CDK14: variants seen among roughly 807,000 people sequenced by gnomAD.
CDK14 encodes cyclin dependent kinase 14.
A neutral mutation model predicts 60.7 loss-of-function variants in CDK14; 34 were observed. The observed-to-expected ratio is 0.56, with a 90% confidence interval of 0.43 to 0.75. CDK14 has a LOEUF of 0.75. Among genes scored for constraint, CDK14 ranks in the 30% least tolerant of loss-of-function variants. CDK14 has a pLI of 0.00. For missense variants in CDK14, 482 were observed against 564.1 expected (o/e 0.85, Z 1.47); for synonymous variants, 197 against 203.7 (o/e 0.97, Z 0.28).
chr7:90,884,831 G>A (rs75796765), intron 6 of CDK14, among the ~76,000 whole-genome samples: 2 of 152,126 alleles, frequency 1.3e-5, no homozygotes, highest in African/African-American at 2.4e-5. Flanking sequence ...ACAAGCAATG[G>A]GGAAAGGATC....
chr7:90,768,218 AT>A (rs1233414673), intron 4 of CDK14, among the ~76,000 whole-genome samples: 1 of 152,194 alleles, frequency 6.6e-6, no homozygotes, highest in African/African-American at 2.4e-5. Context: ...TTTGTAGAGG[AT>A]GTTTATAGTT....
chr7:90,887,267 C>T (rs370850871), intron 6 of CDK14, among the ~76,000 whole-genome samples: 1 of 152,066 alleles, frequency 6.6e-6, no homozygotes, highest in East Asian at 1.9e-4. Context: ...ATCCTTTTCT[C>T]GTTGAGTTTG....
chr7:90,635,523 T>A (rs1196810926), intron 2 of CDK14, among the ~76,000 whole-genome samples: 1 of 152,204 alleles, frequency 6.6e-6, no homozygotes, highest in Non-Finnish European at 1.5e-5. Context: ...ACCATGCTGT[T>A]TTGGTTACTG....
intron 10 of CDK14, among the ~76,000 whole-genome samples, chr7:91,045,224 G>A (rs1253495307): frequency 6.6e-6 from 1 of 152,190 alleles, no homozygotes; most frequent in African/African-American, 2.4e-5. Context: ...CCAATGGAAT[G>A]TGCCCAGTTA....
At chr7:90,799,544 A>G (rs4728937) in intron 5 of CDK14, among the ~76,000 whole-genome samples, 138,773 of 151,944 alleles carry the variant, frequency 0.91, 63,491 homozygotes, top group East Asian at 1. Context: ...AAAAAAATTA[A>G]CCAGGTGTGG....
intron 7 of CDK14, among the ~76,000 whole-genome samples, chr7:90,900,735 T>G (rs1377628575): frequency 6.6e-6 from 1 of 152,182 alleles, no homozygotes; most frequent in Non-Finnish European, 1.5e-5. Flanking sequence ...GAGCTAACTT[T>G]GACTTCCTGA....
At chr7:90,954,312 A>T (rs1156334237) in intron 8 of CDK14, among the ~76,000 whole-genome samples, 1 of 152,150 alleles carries the variant, frequency 6.6e-6, no homozygotes, top group Admixed American at 6.6e-5. Flanking sequence ...AAATTTTTAA[A>T]TAGAACATTA....
At chr7:90,808,189 GA>G (rs1266990876) in intron 5 of CDK14, among the ~76,000 whole-genome samples, 2 of 152,108 alleles carry the variant, frequency 1.3e-5, no homozygotes, top group African/African-American at 4.8e-5. Flanking sequence ...TGAAATGAAG[GA>G]AAAAATGTTA....
intron 11 of CDK14, among the ~76,000 whole-genome samples, chr7:91,056,460 A>G (rs1402745988): frequency 1.3e-5 from 2 of 152,046 alleles, no homozygotes; most frequent in African/African-American, 4.8e-5. Flanking sequence ...CACAATGTGC[A>G]GGTTGGTTAC....
chr7:90,704,846 T>C (rs139850944), intron 2 of CDK14, among the ~76,000 whole-genome samples: 124 of 152,240 alleles, frequency 8.1e-4, no homozygotes, highest in Non-Finnish European at 1.5e-3. Flanking sequence ...TAAGTGACAT[T>C]TCTTCAAATA....
rs962930517 is a variant in CDK14 at position 90,753,976 on chromosome 7, T to C, written c.464+6201T>C. ...TACAAAACATTGCTGAAAGAAATCA[T>C]AGATGACACAAACAAATGGAAAAAC... is the stretch of plus-strand genomic sequence containing the variant. On this transcript the variant is annotated intron_variant, in intron 4 of 14. Coordinates refer to ENST00000380050, the MANE Select transcript of CDK14 (RefSeq NM_001287135.2). Among the ~76,000 whole-genome samples, 23 of 152,130 alleles carry C rather than the reference T, an allele frequency of 1.5e-4. 1 individual carries two copies. Among genetic ancestry groups the C allele is most frequent in the African/African-American group, 2.2e-4 (9 of 41,440 alleles).
chr7:91,018,476 T>C (rs1293709682), intron 10 of CDK14, among the ~76,000 whole-genome samples: 1 of 152,000 alleles, frequency 6.6e-6, no homozygotes, highest in African/African-American at 2.4e-5. Flanking sequence ...AAAAAATATC[T>C]TCTTGCAGAG....
chr7:90,841,370 G>A (rs1790284603), intron 5 of CDK14, among the ~76,000 whole-genome samples: 1 of 152,064 alleles, frequency 6.6e-6, no homozygotes, highest in South Asian at 2.1e-4. Context: ...AATACTAGGG[G>A]AACCTGGGAA....
At chr7:90,988,148 C>T (rs979496853) in intron 10 of CDK14, among the ~76,000 whole-genome samples, 1 of 152,002 alleles carries the variant, frequency 6.6e-6, no homozygotes, top group Non-Finnish European at 1.5e-5. Context: ...GTTCTTTTTT[C>T]CCTATTCTCT....
At chr7:90,686,326 G>A (rs1801435407) in intron 2 of CDK14, among the ~76,000 whole-genome samples, 1 of 152,030 alleles carries the variant, frequency 6.6e-6, no homozygotes, top group Admixed American at 6.6e-5. Flanking sequence ...TCCAATTAGG[G>A]AAGATTTTAC....
At chr7:90,812,452 C>T (rs899902873) in intron 5 of CDK14, among the ~76,000 whole-genome samples, 64 of 151,892 alleles carry the variant, frequency 4.2e-4, no homozygotes, top group Non-Finnish European at 9.1e-4. Context: ...GCATATCACA[C>T]ACTGGGGCCT....
chr7:90,741,492 G>T (rs1188202940), intron 3 of CDK14, among the ~76,000 whole-genome samples: 1 of 152,058 alleles, frequency 6.6e-6, no homozygotes, highest in Admixed American at 6.6e-5. Context: ...ATGTGCAGTG[G>T]GTTGACTTCA....
chr7:90,981,633 A>G (rs974674400), intron 9 of CDK14, among the ~76,000 whole-genome samples: 1 of 152,222 alleles, frequency 6.6e-6, no homozygotes, highest in Non-Finnish European at 1.5e-5. Flanking sequence ...TATGAAGTAA[A>G]TTAAAGACAC....
chr7:90,854,804 A>G (rs1281415389), intron 5 of CDK14, among the ~76,000 whole-genome samples: 1 of 152,182 alleles, frequency 6.6e-6, no homozygotes, highest in Non-Finnish European at 1.5e-5. Context: ...TTAAAAAATA[A>G]AAAACCTGTT....
Sources: gnomAD v4.1 joint callset for allele counts (sites outside exome capture counted in the v4.1 genomes callset) on GRCh38, gnomAD v4.1.1 for gene constraint, MANE v1.5 for transcripts, NCBI Gene and HGNC (gene_info 2026-07-23, HGNC 2026-07-21) for gene names.